The following ZNF141 variants were observed in gnomAD, a reference collection of about 807,000 sequenced individuals.
The protein encoded by ZNF141 is zinc finger protein 141.
Under a neutral mutation model 11.3 loss-of-function variants are expected in ZNF141, and 7 were observed. The ratio of observed to expected loss-of-function variants is 0.62; its 90% confidence interval spans 0.35 to 1.16. The LOEUF (loss-of-function observed/expected upper bound fraction) is 1.16. Among genes scored for constraint, ZNF141 ranks in the 50% most tolerant of loss-of-function variants. ZNF141 has a pLI of 0.02. For synonymous variants in ZNF141, 183 were observed against 190.7 expected (o/e 0.96, Z 0.33); for missense variants, 535 against 554.0 (o/e 0.97, Z 0.34).
In ZNF141 at chr4:378,038, G is replaced by T. The variant is rs546340623; in HGVS notation, c.*4176G>T. On this transcript the variant is annotated 3_prime_UTR_variant, in exon 4 of 4. Coordinates refer to ENST00000240499, the MANE Select transcript of ZNF141 (RefSeq NM_003441.4). ...AAATTAGCAGGGCGTGGTGGCATGT[G>T]CCTGTAGTCCCAGCTACTCGGGAAG... is the stretch of plus-strand genomic sequence containing the variant. 1 of 152,108 alleles carries T rather than the reference G, an allele frequency of 6.6e-6. No homozygotes were observed. The highest frequency in any genetic ancestry group is 2.1e-4 in the South Asian group (1 of 4,818). The allele number at this position is 152,108 out of a possible 1,614,324, so 9.4% of individuals were successfully genotyped here.
intron 3 of ZNF141, chr4:358,192 T>C (rs1287568603): frequency 4.8e-6 from 2 of 412,688 alleles, no homozygotes; most frequent in Non-Finnish European, 9.4e-6. Flanking sequence ...TCTTTTTTTT[T>C]TTTTTTTTTT....
chr4:343,686 C>T (rs565695055), intron 1 of ZNF141, 96 bp from the exon 2 acceptor site: 1,706 of 1,251,268 alleles, frequency 1.4e-3, no homozygotes, highest in Non-Finnish European at 1.6e-3. Context: ...GACTGCGCCG[C>T]TGCACTCCAG....
chr4:363,546 G>A (rs1274092240), intron 3 of ZNF141, among the ~76,000 whole-genome samples: 1 of 152,094 alleles, frequency 6.6e-6, no homozygotes, highest in Non-Finnish European at 1.5e-5. Context: ...CATGAGGTCA[G>A]GAGATGGAGA....
intron 1 of ZNF141, among the ~76,000 whole-genome samples, chr4:341,532 A>G (rs1395450204): frequency 6.6e-6 from 1 of 152,246 alleles, no homozygotes; most frequent in Non-Finnish European, 1.5e-5. Flanking sequence ...TATGTTATAC[A>G]AAAGACAGAG....
chr4:357,850 C>T (rs1400056355), intron 3 of ZNF141, among the ~76,000 whole-genome samples: 2 of 151,598 alleles, frequency 1.3e-5, no homozygotes, highest in Non-Finnish European at 1.5e-5. Context: ...GGACTATAGG[C>T]GCGCGCCACC....
intron 3 of ZNF141, among the ~76,000 whole-genome samples, chr4:360,081 A>C (rs560511998): frequency 2.4e-4 from 37 of 152,308 alleles, no homozygotes; most frequent in African/African-American, 8.2e-4. Flanking sequence ...CAAGCATGCC[A>C]CTCAAGCAAG....
In ZNF141 at chr4:383,998, T is replaced by TAAA. The variant is rs1488444691; in HGVS notation, c.*10136_*10137insAAA. ...TCCCTTCCTGTTTTTCATTCCTTTG[T>TAAA]GTGCTTTGTTCAATTTTTTTGTTCG... On this transcript the variant is annotated 3_prime_UTR_variant, in exon 4 of 4. Coordinates refer to ENST00000240499, the MANE Select transcript of ZNF141 (RefSeq NM_003441.4). 2 of 152,290 alleles carry TAAA rather than the reference T, an allele frequency of 1.3e-5. No homozygotes were observed. Among genetic ancestry groups the TAAA allele is most frequent in the Non-Finnish European group, 2.9e-5 (2 of 68,110 alleles). 9.4% of individuals were successfully genotyped at this position (152,290 alleles called of 1,614,324 possible).
chr4:356,921 A>C (rs1353460399), intron 3 of ZNF141, among the ~76,000 whole-genome samples: 1 of 151,736 alleles, frequency 6.6e-6, no homozygotes, highest in Non-Finnish European at 1.5e-5. Flanking sequence ...AGAGACTTAC[A>C]TGAAACCTCT....
At chr4:361,186 G>T (rs1481015203) in intron 3 of ZNF141, among the ~76,000 whole-genome samples, 2 of 152,018 alleles carry the variant, frequency 1.3e-5, no homozygotes, top group Admixed American at 1.3e-4. Flanking sequence ...TTTATCTTAC[G>T]AAAGTAAAAT....
At chr4:363,468 G>A (rs1156321999) in intron 3 of ZNF141, among the ~76,000 whole-genome samples, 2 of 152,304 alleles carry the variant, frequency 1.3e-5, no homozygotes, top group East Asian at 3.9e-4. Context: ...CAAAGGGAAT[G>A]CTTCCTGCCC....
At chr4:347,440 C>T (rs1157226220) in intron 3 of ZNF141, among the ~76,000 whole-genome samples, 8 of 149,654 alleles carry the variant, frequency 5.3e-5, no homozygotes, top group South Asian at 4.3e-4. Context: ...CCTGGGTTCA[C>T]GCCATTCTCC....
In ZNF141 at chr4:373,847, GAA is replaced by G. The variant is rs1712221165; in HGVS notation, c.1413_1414del (p.Lys471AsnfsTer11). 1 of 1,602,364 alleles carries G rather than the reference GAA, an allele frequency of 6.2e-7. No homozygotes were observed. Among genetic ancestry groups the G allele is most frequent in the Non-Finnish European group, 8.5e-7 (1 of 1,174,292 alleles). ...KRFSHLNKHK[K>X]IHT ...GGTTCTCACACCTGAATAAACATAA[GAA>G]AATTCATACTTGAGAGAAATCCTAC... is the stretch of plus-strand genomic sequence containing the variant. On this transcript the variant is annotated frameshift_variant, in exon 4 of 4. Transcript: ENST00000240499. LOFTEE classifies it high-confidence loss of function.
chr4:371,544 G>T (rs1344113156), intron 3 of ZNF141, among the ~76,000 whole-genome samples: 1 of 141,256 alleles, frequency 7.1e-6, no homozygotes, highest in African/African-American at 2.7e-5. Flanking sequence ...GTGATAATTT[G>T]TGTGTGTGTG....
rs781804242 is a variant in ZNF141, at chr4:372,939, A to C, written c.502A>C (p.Thr168Pro). ...TTCAAACAAACGTAAGACAAGACAT[A>C]CTGGAGAGAAACACTTTAAAGAATG... ...SNSNKRKTRH[T>P]GEKHFKECGK... Residue 168 changes from threonine to proline, a missense_variant, in exon 4 of 4, where the codon ACT (threonine) becomes CCT (proline). Thr to Pro is a conservative substitution (Grantham distance 38). Transcript: ENST00000240499. The C allele has an allele frequency of 1.2e-6, 2 of 1,614,146 alleles. No individual in the cohort carries two copies. The highest frequency in any genetic ancestry group is 1.7e-6 in the Non-Finnish European group (2 of 1,179,990).
intron 3 of ZNF141, among the ~76,000 whole-genome samples, chr4:359,448 T>C (rs967887347): frequency 3.9e-5 from 6 of 152,182 alleles, no homozygotes; most frequent in African/African-American, 1.4e-4. Flanking sequence ...TTACTGAGCG[T>C]TGATCACAGC....
chr4:370,844 C>T (rs1553853452), intron 3 of ZNF141, among the ~76,000 whole-genome samples: 1 of 151,958 alleles, frequency 6.6e-6, no homozygotes, highest in Non-Finnish European at 1.5e-5. Context: ...CATTCTCCTG[C>T]CTCAGCCTCC....
chr4:376,908 C>G lies in ZNF141; in HGVS notation c.*3046C>G, dbSNP rs1320613675. 1.3e-5 allele frequency among the ~76,000 whole-genome samples: 2 copies of G among 152,050 alleles called. No individual in the cohort carries two copies. Among genetic ancestry groups the G allele is most frequent in the Admixed American group, 6.5e-5 (1 of 15,272 alleles). ...ATACAAACTCCTTGTTTTTATTTGT[C>G]TGGTGCTCATGCTAGAGCTATAATT... On this transcript the variant is annotated 3_prime_UTR_variant, in exon 4 of 4. Transcript: ENST00000240499.
chr4:353,855 G>T (rs1335394906), intron 3 of ZNF141, among the ~76,000 whole-genome samples: 1 of 152,106 alleles, frequency 6.6e-6, no homozygotes, highest in Admixed American at 6.6e-5. Context: ...TAAAGGGAAG[G>T]ACTTCTGAGG....
At chr4:344,515 G>T in intron 3 of ZNF141, 85 bp downstream of exon 3, 1 of 1,219,584 alleles carries the variant, frequency 8.2e-7, no homozygotes. Flanking sequence ...GTGGTTTGGG[G>T]CCGGGTGCAG....
Sources: gnomAD v4.1 joint callset for allele counts (sites outside exome capture counted in the v4.1 genomes callset) on GRCh38, gnomAD v4.1.1 for gene constraint, MANE v1.5 for transcripts, NCBI Gene and HGNC (gene_info 2026-07-23, HGNC 2026-07-21) for gene names.